Variants in STRN observed in about 807,000 individuals in gnomAD.
STRN encodes striatin.
STRN carries 53 observed loss-of-function variants against 96.3 expected under a neutral mutation model. The observed-to-expected ratio is 0.55, with a 90% CI of 0.44 to 0.69. The LOEUF (loss-of-function observed/expected upper bound fraction) is 0.69, where lower values mean the gene tolerates loss of function less well. Among genes scored for constraint, STRN ranks in the 30% least tolerant of loss-of-function variants. The probability of loss-of-function intolerance (pLI) is 0.00; values close to 1 mark genes in which losing one functional copy is unlikely to be tolerated. For synonymous variants in STRN, 428 were observed against 355.9 expected, an observed-to-expected ratio of 1.20 and a Z score of -2.28; for missense variants, 987 against 963.9, an observed-to-expected ratio of 1.02 and a Z score of -0.32.
chr2:36,859,573 T>G (rs888226973), intron 13 of STRN, among the ~76,000 whole-genome samples: 1 of 152,210 alleles, frequency 6.6e-6, no homozygotes, highest in African/African-American at 2.4e-5. Flanking sequence ...CTGTAGTCAA[T>G]CTGAAGCTTA....
At chr2:36,963,627 T>C (rs1055178009) in intron 1 of STRN, among the ~76,000 whole-genome samples, 1 of 152,138 alleles carries the variant, frequency 6.6e-6, no homozygotes, top group African/African-American at 2.4e-5. Context: ...CTGTGGAAAC[T>C]TTAATTGGAA....
intron 13 of STRN, among the ~76,000 whole-genome samples, chr2:36,858,502 T>C (rs1241753698): frequency 6.6e-6 from 1 of 152,172 alleles, no homozygotes; most frequent in Non-Finnish European, 1.5e-5. Context: ...AAATATGGCA[T>C]TCATAATGGA....
intron 1 of STRN, 56 bp downstream of exon 1, chr2:36,966,174 G>A: frequency 2.1e-6 from 3 of 1,440,812 alleles, no homozygotes; most frequent in Non-Finnish European, 1.8e-6. Flanking sequence ...GTCCGGGGCG[G>A]GGCGGAAGGG....
intron 7 of STRN, among the ~76,000 whole-genome samples, chr2:36,888,017 T>C (rs1364079242): frequency 2.0e-5 from 3 of 152,102 alleles, no homozygotes; most frequent in Admixed American, 6.6e-5. Context: ...CCAACCTCTC[T>C]CCCCATCCAA....
At position 36,848,670 on chromosome 2, in the gene STRN, A is replaced by T. The variant is rs1249742698; in HGVS notation, c.*786T>A. The T allele has an allele frequency of 6.6e-6, 1 of 152,180 alleles. No individual in the cohort carries two copies. The highest frequency in any genetic ancestry group is 1.9e-4 in the East Asian group (1 of 5,198). The allele number at this position is 152,180 out of a possible 1,614,324, so 9.4% of individuals were successfully genotyped here. ...CTGTTTACCCTTAAAAATAAACAGA[A>T]TTTCAAACCTGAATAAGTTAAATCT... On this transcript the variant is annotated 3_prime_UTR_variant, in exon 18 of 18. Coordinates refer to ENST00000263918, the MANE Select transcript of STRN (RefSeq NM_003162.4).
intron 1 of STRN, among the ~76,000 whole-genome samples, chr2:36,964,506 T>A (rs1403795161): frequency 6.6e-6 from 1 of 152,020 alleles, no homozygotes; most frequent in African/African-American, 2.4e-5. Context: ...ATAAACAAGG[T>A]CAAAGAAGAC....
intron 3 of STRN, among the ~76,000 whole-genome samples, chr2:36,913,378 C>T (rs1670011757): frequency 6.6e-6 from 1 of 152,178 alleles, no homozygotes; most frequent in Non-Finnish European, 1.5e-5. Flanking sequence ...ATGTGCCAGT[C>T]TTACCTCAGA....
In STRN at chr2:36,846,390, TATATATATA is replaced by T. The variant is rs1668075278; in HGVS notation, c.*3057_*3065del. 6.1e-4 allele frequency: 16 copies of T among 26,382 alleles called. 1 individual carries two copies. In the South Asian group the frequency reaches 7.7e-3, roughly 13 times the overall value. The allele number at this position is 26,382 out of a possible 1,614,324, so 1.6% of individuals were successfully genotyped here. ...AACAGTAAAATGCACCTATGGTTTA[TATATATATA>T]TATATATATATATATATATATATAT... On this transcript the variant is annotated 3_prime_UTR_variant, in exon 18 of 18. Transcript: ENST00000263918.
At chr2:36,863,351 A>G (rs985424940) in intron 12 of STRN, among the ~76,000 whole-genome samples, 2 of 152,172 alleles carry the variant, frequency 1.3e-5, no homozygotes, top group East Asian at 3.9e-4. Context: ...TGATTTTTAT[A>G]TATGGTATAA....
chr2:36,954,052 G>A (rs1396569967), intron 1 of STRN, among the ~76,000 whole-genome samples: 1 of 151,782 alleles, frequency 6.6e-6, no homozygotes, highest in Non-Finnish European at 1.5e-5. Flanking sequence ...CAAATTTTTA[G>A]GTTAACCAAA....
At chr2:36,913,674 T>C (rs1244790111) in intron 3 of STRN, among the ~76,000 whole-genome samples, 1 of 152,222 alleles carries the variant, frequency 6.6e-6, no homozygotes, top group Non-Finnish European at 1.5e-5. Context: ...GATTTGGTAC[T>C]AGGTCTGAAA....
chr2:36,952,364 A>C (rs1173548828), intron 1 of STRN, among the ~76,000 whole-genome samples: 1 of 151,780 alleles, frequency 6.6e-6, no homozygotes, highest in Non-Finnish European at 1.5e-5. Context: ...AATTAATGGA[A>C]TCTTGAAAGA....
chr2:36,947,775 A>C (rs1270452909), intron 1 of STRN, among the ~76,000 whole-genome samples: 1 of 151,784 alleles, frequency 6.6e-6, no homozygotes, highest in Non-Finnish European at 1.5e-5. Context: ...ACAAATTAAA[A>C]AGTTTAACAT....
chr2:36,840,466 G>T lies in STRN; in HGVS notation c.*8990C>A, dbSNP rs1014457496. ...GAGGTAAAGTCCAAATTCCTCTCCA[G>T]TCAAGGTGCAGACCTCAATCTCAGG... On this transcript the variant is annotated 3_prime_UTR_variant, in exon 18 of 18. Coordinates refer to ENST00000263918, the MANE Select transcript of STRN (RefSeq NM_003162.4). The T allele has an allele frequency of 7.9e-5, 12 of 151,870 alleles. No individual in the cohort carries two copies. Among genetic ancestry groups the T allele is most frequent in the Non-Finnish European group, 1.6e-4 (11 of 67,972 alleles). The allele number at this position is 151,870 out of a possible 1,614,324, so 9.4% of individuals were successfully genotyped here. A position where few individuals can be genotyped will look rare whatever the true frequency, so the allele number is the denominator to read the frequency against.
intron 11 of STRN, among the ~76,000 whole-genome samples, chr2:36,868,872 C>CA (rs1309958698): frequency 7.6e-6 from 1 of 131,956 alleles, no homozygotes; most frequent in Non-Finnish European, 1.7e-5. Flanking sequence ...GATGCTGGTT[C>CA]TTTTTTTTTT....
intron 5 of STRN, among the ~76,000 whole-genome samples, chr2:36,901,576 T>C (rs1669685489): frequency 6.6e-6 from 1 of 150,626 alleles, no homozygotes; most frequent in Non-Finnish European, 1.5e-5. Flanking sequence ...AAAACATTTA[T>C]ACTATCTAAG....
At chr2:36,852,240 T>C (rs914539839) in intron 15 of STRN, among the ~76,000 whole-genome samples, 3 of 152,200 alleles carry the variant, frequency 2.0e-5, no homozygotes, top group African/African-American at 7.2e-5. Context: ...CTGTTAAGCT[T>C]TTTTTAAGAG....
At chr2:36,881,295 T>C (rs1356218161) in intron 9 of STRN, among the ~76,000 whole-genome samples, 1 of 152,056 alleles carries the variant, frequency 6.6e-6, no homozygotes, top group Non-Finnish European at 1.5e-5. Flanking sequence ...GTCCAGCTAA[T>C]TTTTGTATTT....
intron 2 of STRN, among the ~76,000 whole-genome samples, chr2:36,923,195 A>G (rs780611310): frequency 6.6e-6 from 1 of 151,036 alleles, no homozygotes; most frequent in Non-Finnish European, 1.5e-5. Context: ...CACGCCTGTA[A>G]TCCCAGCACT....
Sources: gnomAD v4.1 joint callset for allele counts (sites outside exome capture counted in the v4.1 genomes callset) on GRCh38, gnomAD v4.1.1 for gene constraint, MANE v1.5 for transcripts, NCBI Gene and HGNC (gene_info 2026-07-23, HGNC 2026-07-21) for gene names.